Variants in RPF1 observed in about 807,000 individuals in gnomAD.
RPF1 encodes the protein ribosome production factor 1 homolog, also known as ribosome production factor 1.
RPF1 carries 34 observed loss-of-function variants against 41.9 expected under a neutral mutation model. That is an observed-to-expected ratio of 0.81 (90% CI 0.62 to 1.08). The LOEUF (loss-of-function observed/expected upper bound fraction) is 1.08, where lower values mean the gene tolerates loss of function less well. RPF1 is among the 50% of genes least tolerant of loss of function. The pLI, the probability that RPF1 is intolerant of heterozygous loss-of-function variation, is 0.00. For synonymous variants in RPF1, 140 were observed against 148.9 expected (o/e 0.94, Z 0.43); for missense variants, 425 against 435.2 (o/e 0.98, Z 0.21).
chr1:84,489,296 T>C (rs1380982312), intron 3 of RPF1, among the ~76,000 whole-genome samples: 1 of 152,172 alleles, frequency 6.6e-6, no homozygotes, highest in East Asian at 1.9e-4. Context: ...TTTTGGTTCT[T>C]TTTTTGTTTG....
chr1:84,486,095 G>A (rs1445767401), intron 3 of RPF1, among the ~76,000 whole-genome samples: 1 of 152,162 alleles, frequency 6.6e-6, no homozygotes, highest in Non-Finnish European at 1.5e-5. Context: ...CAAGCTCCAA[G>A]GCAGGAGTGT....
chr1:84,480,765 T>A (rs114829728), intron 1 of RPF1, among the ~76,000 whole-genome samples, 191 bp from the exon 2 acceptor site: 459 of 152,354 alleles, frequency 3.0e-3, no homozygotes, highest in Middle Eastern at 6.8e-3. Flanking sequence ...AAAGAAATCT[T>A]ATTGATTGGC....
intron 5 of RPF1, 123 bp from the exon 6 acceptor site, chr1:84,495,250 T>G (rs1226241142): frequency 4.8e-6 from 3 of 625,264 alleles, no homozygotes; most frequent in African/African-American, 1.9e-5. Flanking sequence ...CAGAGGAATA[T>G]GTACATCTGC....
In RPF1 at chr1:84,497,702, G is replaced by T. The variant is rs1681968555; in HGVS notation, c.*232G>T. Reference sequence around the variant, plus strand: ...TTAAACTTAGTTCTCTTGTTTTTGGGTAACTGTGAATAATTAAGTTGGAAT... The same window carrying T: ...TTAAACTTAGTTCTCTTGTTTTTGGTTAACTGTGAATAATTAAGTTGGAAT... On this transcript the variant is annotated 3_prime_UTR_variant, in exon 9 of 9. Coordinates refer to ENST00000370654, the MANE Select transcript of RPF1 (RefSeq NM_025065.7). 2 of 393,728 alleles carry T rather than the reference G, an allele frequency of 5.1e-6. No individual in the cohort carries two copies. The highest frequency in any genetic ancestry group is 6.0e-5 in the South Asian group (1 of 16,752). The allele number at this position is 393,728 out of a possible 1,614,324, so 24.4% of individuals were successfully genotyped here.
chr1:84,497,596 G>A lies in RPF1; in HGVS notation c.*126G>A, dbSNP rs187712608. On this transcript the variant is annotated 3_prime_UTR_variant, in exon 9 of 9. Coordinates refer to ENST00000370654, the MANE Select transcript of RPF1 (RefSeq NM_025065.7). ...TTTCATAAACCTTTCACGTCTGGAC[G>A]AATTACCAAATGCCATGAATTGCCA... is the stretch of plus-strand genomic sequence containing the variant. 4 of 570,116 alleles carry A rather than the reference G, an allele frequency of 7.0e-6. No homozygotes were observed. Among genetic ancestry groups the A allele is most frequent in the Admixed American group, 3.8e-5 (1 of 26,562 alleles). The allele number at this position is 570,116 out of a possible 1,614,324, so 35.3% of individuals were successfully genotyped here. A position where few individuals can be genotyped will look rare whatever the true frequency, so the allele number is the denominator to read the frequency against.
intron 1 of RPF1, 84 bp from the exon 2 acceptor site, chr1:84,480,872 C>A: frequency 4.0e-6 from 3 of 747,732 alleles, no homozygotes; most frequent in Admixed American, 2.3e-5. Context: ...GTATTCATAG[C>A]ATTAGTAATT....
chr1:84,479,966 G>A (rs1681613929), intron 1 of RPF1, among the ~76,000 whole-genome samples: 1 of 152,172 alleles, frequency 6.6e-6, no homozygotes, highest in African/African-American at 2.4e-5. Context: ...AAAGTTTCTG[G>A]TAATTGTATT....
At chr1:84,495,252 T>C (rs1274077694) in intron 5 of RPF1, 121 bp from the exon 6 acceptor site, 1 of 629,732 alleles carries the variant, frequency 1.6e-6, no homozygotes, top group Non-Finnish European at 2.8e-6. Context: ...GAGGAATATG[T>C]ACATCTGCCT....
intron 3 of RPF1, among the ~76,000 whole-genome samples, chr1:84,488,728 C>CT (rs1174083440): frequency 6.6e-6 from 1 of 151,912 alleles, no homozygotes; most frequent in Non-Finnish European, 1.5e-5. Context: ...TTTACTTATT[C>CT]TTATGATTTT....
chr1:84,480,893 G>C lies in RPF1; in HGVS notation c.229-63G>C, dbSNP rs149053380. ...ATAGCATTAGTAATTTGTAGTTTCA[G>C]TATGTGTTTGTGATATAACTGGTTG... On this transcript the variant is annotated intron_variant, in intron 1 of 8. Coordinates refer to ENST00000370654, the MANE Select transcript of RPF1 (RefSeq NM_025065.7). The C allele has an allele frequency of 4.9e-3, 4,129 of 847,618 alleles. 55 individuals carry two copies. The highest frequency in any genetic ancestry group is 0.026 in the South Asian group (1,772 of 67,214). 52.5% of individuals were successfully genotyped at this position (847,618 alleles called of 1,614,324 possible).
intron 3 of RPF1, among the ~76,000 whole-genome samples, chr1:84,484,853 T>C (rs1393307891): frequency 6.6e-6 from 1 of 151,934 alleles, no homozygotes; most frequent in East Asian, 1.9e-4. Flanking sequence ...TTTGTATTTT[T>C]AGTAGAGACA....
intron 5 of RPF1, among the ~76,000 whole-genome samples, chr1:84,492,973 T>G (rs1681861903): frequency 6.6e-6 from 1 of 152,228 alleles, no homozygotes; most frequent in Non-Finnish European, 1.5e-5. Context: ...CTTCAGCCTC[T>G]TTTCCTCATT....
rs1570344776 is a variant in RPF1 at position 84,482,778 on chromosome 1, G to A, written c.286-137G>A. 3 of 514,142 alleles carry A rather than the reference G, an allele frequency of 5.8e-6. No homozygotes were observed. In the East Asian group the frequency reaches 9.3e-5, roughly 16 times the overall value. The allele number at this position is 514,142 out of a possible 1,614,324, so 31.8% of individuals were successfully genotyped here. A position where few individuals can be genotyped will look rare whatever the true frequency, so the allele number is the denominator to read the frequency against. ...CTTATTCAATATTGTTATTAGAATT[G>A]ATGTAGCAATAGAAGTGGATTGATA... is the stretch of plus-strand genomic sequence containing the variant. On this transcript the variant is annotated intron_variant, in intron 2 of 8. Transcript: ENST00000370654.
intron 5 of RPF1, among the ~76,000 whole-genome samples, chr1:84,492,502 C>CA (rs1254740657): frequency 5.3e-5 from 8 of 152,146 alleles, no homozygotes; most frequent in African/African-American, 1.9e-4. Context: ...TGATTTTAGT[C>CA]ACGTTTCTTA....
At chr1:84,493,038 G>A (rs571971281) in intron 5 of RPF1, among the ~76,000 whole-genome samples, 1 of 152,292 alleles carries the variant, frequency 6.6e-6, no homozygotes, top group East Asian at 1.9e-4. Flanking sequence ...GGGATTAGCA[G>A]TAATGTAAAT....
chr1:84,490,415 T>C lies in RPF1; in HGVS notation c.559T>C (p.Cys187Arg). The C allele has an allele frequency of 6.2e-7, 1 of 1,611,552 alleles. No homozygotes were observed. Among genetic ancestry groups the C allele is most frequent in the Non-Finnish European group, 8.5e-7 (1 of 1,178,852 alleles). ...GLALKKIIPQ[C>R]IARDFTDLIV... is the part of the protein sequence containing the mutation. ...GGCTCTGAAAAAAATTATTCCACAG[T>C]GCATCGCAAGAGATTTCACAGACCT... is the stretch of plus-strand genomic sequence containing the variant. The change falls in exon 5 of 9, where the codon TGC becomes CGC. Residue 187 changes from cysteine to arginine, a missense_variant. Cys to Arg is a radical substitution (Grantham distance 180). Transcript: ENST00000370654.
In RPF1 at chr1:84,495,429, A is replaced by G; in HGVS notation, c.673A>G (p.Ser225Gly). 6.7e-7 allele frequency: 1 copy of G among 1,491,608 alleles called. No homozygotes were observed. The highest frequency in any genetic ancestry group is 9.2e-7 in the Non-Finnish European group (1 of 1,083,946). 92.4% of individuals were successfully genotyped at this position (1,491,608 alleles called of 1,614,324 possible). A position where few individuals can be genotyped will look rare whatever the true frequency, so the allele number is the denominator to read the frequency against. Residue 225 changes from serine (S) to glycine (G), a missense_variant, in exon 6 of 9, where the codon AGT (serine) becomes GGT (glycine). Physicochemically the swap from Ser to Gly is moderately conservative, Grantham distance 56. Transcript: ENST00000370654. Reference sequence around the variant, plus strand: ...CCCAACTGCTCATTTTAAAATGAGCAGTGTTCGTCTTCGTAAAGAAATTAA... The same window carrying G: ...CCCAACTGCTCATTTTAAAATGAGCGGTGTTCGTCTTCGTAAAGAAATTAA... Reference protein sequence around the residue: ...NGPTAHFKMSSVRLRKEIKRR... With the variant: ...NGPTAHFKMSGVRLRKEIKRR...
chr1:84,485,275 T>C (rs535016532), intron 3 of RPF1, among the ~76,000 whole-genome samples: 1 of 152,138 alleles, frequency 6.6e-6, no homozygotes, highest in South Asian at 2.1e-4. Context: ...ATTTTTTGTA[T>C]TTTAGTAGAG....
intron 5 of RPF1, among the ~76,000 whole-genome samples, chr1:84,493,332 CAAAAAAAA>C (rs376130673): frequency 9.6e-6 from 1 of 104,104 alleles, no homozygotes; most frequent in Non-Finnish European, 2.1e-5. Context: ...GCACTACTAT[CAAAAAAAA>C]AAAAAAAAAA....
Sources: allele counts gnomAD v4.1 joint callset (sites outside exome capture counted in the v4.1 genomes callset), GRCh38; gene constraint gnomAD v4.1.1; transcripts MANE v1.5; gene names NCBI Gene and HGNC (gene_info 2026-07-23, HGNC 2026-07-21).